The following SKIC3 variants were observed in gnomAD, a reference collection of about 807,000 sequenced individuals.
SKIC3 encodes the protein superkiller complex protein 3.
At chr5:95,517,315 G>T in the SKIC3 span, 26 of 1,612,554 alleles carry the variant, frequency 1.6e-5, no homozygotes, top group Admixed American at 3.3e-5. Flanking sequence ...GCTCGATGCT[G>T]TAGAGCACTA....
chr5:95,537,069 T>C, the SKIC3 span: 1 of 1,613,534 alleles, frequency 6.2e-7, no homozygotes, highest in African/African-American at 1.3e-5. Context: ...ATGAAATGCC[T>C]ATAAAGTACT....
chr5:95,550,013 A>G, the SKIC3 span, among the ~76,000 whole-genome samples: 1 of 152,102 alleles, frequency 6.6e-6, no homozygotes, highest in South Asian at 2.1e-4. Flanking sequence ...TTCTTCCACA[A>G]TATAACTCCC....
chr5:95,533,365 G>A, the SKIC3 span, among the ~76,000 whole-genome samples: 1 of 152,104 alleles, frequency 6.6e-6, no homozygotes, highest in African/African-American at 2.4e-5. Flanking sequence ...AGTACTTTGT[G>A]GGAGGGCGGC....
chr5:95,515,554 G>A, the SKIC3 span, among the ~76,000 whole-genome samples: 1 of 151,806 alleles, frequency 6.6e-6, no homozygotes, highest in African/African-American at 2.4e-5. Context: ...GTAAGCTCAT[G>A]GGCAAAAACT....
the SKIC3 span, among the ~76,000 whole-genome samples, chr5:95,467,291 T>G: frequency 6.6e-6 from 1 of 152,314 alleles, no homozygotes; most frequent in African/African-American, 2.4e-5. Flanking sequence ...CATGAATCTA[T>G]TATATTTTAT....
the SKIC3 span, among the ~76,000 whole-genome samples, chr5:95,504,207 A>G: frequency 7.2e-5 from 11 of 152,174 alleles, no homozygotes; most frequent in South Asian, 2.3e-3. Flanking sequence ...GTGGTGGCAC[A>G]TGCCAATAAT....
the SKIC3 span, chr5:95,516,621 G>A: frequency 1.2e-6 from 2 of 1,613,056 alleles, no homozygotes; most frequent in Non-Finnish European, 1.7e-6. Context: ...ACTGAACTTT[G>A]TTTGAAATAC....
chr5:95,510,594 C>T, the SKIC3 span, among the ~76,000 whole-genome samples: 34,379 of 152,040 alleles, frequency 0.23, 4,960 homozygotes, highest in African/African-American at 0.4. Context: ...GGCCCCCACC[C>T]AGGAACTGAC....
the SKIC3 span, among the ~76,000 whole-genome samples, chr5:95,492,652 G>GA: frequency 1.9e-3 from 95 of 48,812 alleles, 1 homozygote; most frequent in East Asian, 2.9e-3. Flanking sequence ...AAAAAAAAAA[G>GA]AAAAAAAAAA....
the SKIC3 span, chr5:95,513,649 T>C: frequency 2.5e-6 from 4 of 1,613,006 alleles, no homozygotes; most frequent in African/African-American, 4.0e-5. Flanking sequence ...TAAGAGCCTA[T>C]AAAAGGAAAA....
the SKIC3 span, among the ~76,000 whole-genome samples, chr5:95,497,669 A>G: frequency 6.6e-6 from 1 of 152,174 alleles, no homozygotes; most frequent in Non-Finnish European, 1.5e-5. Flanking sequence ...ATATACACCA[A>G]CAGTCTTTAT....
At chr5:95,484,943 T>C in the SKIC3 span, 1 of 1,302,542 alleles carries the variant, frequency 7.7e-7, no homozygotes, top group Non-Finnish European at 1.1e-6. Flanking sequence ...GGGCTTATCA[T>C]CCATACACAG....
At chr5:95,549,956 C>T in the SKIC3 span, among the ~76,000 whole-genome samples, 1 of 151,876 alleles carries the variant, frequency 6.6e-6, no homozygotes, top group Non-Finnish European at 1.5e-5. Context: ...TCTAACACGT[C>T]AAAGAAACAT....
the SKIC3 span, chr5:95,506,995 G>A: frequency 6.2e-7 from 1 of 1,611,962 alleles, no homozygotes; most frequent in Non-Finnish European, 8.5e-7. Flanking sequence ...TCTGCAGTCT[G>A]TAACAACAAA....
the SKIC3 span, chr5:95,523,926 A>C: frequency 2.3e-6 from 3 of 1,279,348 alleles, no homozygotes; most frequent in Middle Eastern, 2.2e-4. Context: ...AGATTAAAGA[A>C]AAAAGAAATA....
chr5:95,502,910 G>A, the SKIC3 span: 34 of 1,613,726 alleles, frequency 2.1e-5, no homozygotes, highest in African/African-American at 2.7e-5. Context: ...GGCTACATCC[G>A]TTTTTCCTTG....
the SKIC3 span, chr5:95,525,733 T>C: frequency 6.6e-7 from 1 of 1,521,348 alleles, no homozygotes; most frequent in Non-Finnish European, 9.1e-7. Context: ...CAGCAATGTT[T>C]GCTTTAATTA....
chr5:95,470,777 T>C, the SKIC3 span, among the ~76,000 whole-genome samples: 1 of 137,462 alleles, frequency 7.3e-6, no homozygotes, highest in Non-Finnish European at 1.5e-5. Context: ...GGTTACAAGC[T>C]TTATTCTCTC....
chr5:95,525,417 A>AG, the SKIC3 span: 9 of 1,613,874 alleles, frequency 5.6e-6, no homozygotes, highest in Non-Finnish European at 6.8e-6. Context: ...GCTTGTAGAT[A>AG]GTCCTTTTTG....
Sources: gnomAD v4.1 joint callset for allele counts (sites outside exome capture counted in the v4.1 genomes callset) on GRCh38, gnomAD v4.1.1 for gene constraint, MANE v1.5 for transcripts, NCBI Gene and HGNC (gene_info 2026-07-23, HGNC 2026-07-21) for gene names.